Variants in NRIP3 observed in about 807,000 individuals in gnomAD.
NRIP3 encodes the protein nuclear receptor-interacting protein 3.
Under a neutral mutation model 29.0 loss-of-function variants are expected in NRIP3, and 31 were observed. The ratio of observed to expected loss-of-function variants is 1.07; its 90% CI spans 0.80 to 1.44. NRIP3 has a LOEUF of 1.44. Among genes scored for constraint, NRIP3 ranks in the 40% most tolerant of loss-of-function variants. The probability of loss-of-function intolerance (pLI) is 0.00; values close to 1 mark genes in which losing one functional copy is unlikely to be tolerated. For missense variants in NRIP3, 314 were observed against 297.9 expected, an observed-to-expected ratio of 1.05 and a Z score of -0.40; for synonymous variants, 131 against 118.3, an observed-to-expected ratio of 1.11 and a Z score of -0.70.
chr11:8,983,247 A>G lies in NRIP3; in HGVS notation c.*298T>C, dbSNP rs1854450642. ...TGGCAGCCCCTATACTTGACTAATA[A>G]AAGCAAATTCCTGGAAGAAGCAGAG... On this transcript the variant is annotated 3_prime_UTR_variant, in exon 7 of 7. Coordinates refer to ENST00000309166, the MANE Select transcript of NRIP3 (RefSeq NM_020645.3). 4.0e-6 allele frequency: 2 copies of G among 499,862 alleles called. No homozygotes were observed. The highest frequency in any genetic ancestry group is 4.9e-5 in the South Asian group (2 of 41,200). 31.0% of individuals were successfully genotyped at this position (499,862 alleles called of 1,614,324 possible). A position where few individuals can be genotyped will look rare whatever the true frequency, so the allele number is the denominator to read the frequency against.
At chr11:9,000,050 A>C (rs1854768773) in intron 1 of NRIP3, among the ~76,000 whole-genome samples, 1 of 152,272 alleles carries the variant, frequency 6.6e-6, no homozygotes, top group East Asian at 1.9e-4. Context: ...TATATCTCCA[A>C]AGCTTAAATT....
rs533951135 is a variant in NRIP3, at chr11:8,985,969, C to T, written c.423-119G>A. 14 of 1,198,286 alleles carry T rather than the reference C, an allele frequency of 1.2e-5. No individual in the cohort carries two copies. The Admixed American group carries it at 1.8e-4, about 15-fold the overall frequency. The allele number at this position is 1,198,286 out of a possible 1,614,324, so 74.2% of individuals were successfully genotyped here. ...CAGGGATCTCCTGGGATTAATCTAC[C>T]GAAAAGTGCTAGCCATCCTACATAT... On this transcript the variant is annotated intron_variant, in intron 3 of 6. Transcript: ENST00000309166.
intron 1 of NRIP3, among the ~76,000 whole-genome samples, chr11:8,989,379 C>T (rs1854563735): frequency 6.6e-6 from 1 of 152,212 alleles, no homozygotes; most frequent in Admixed American, 6.5e-5. Context: ...CCCCAAGTTT[C>T]TATCTAACAT....
intron 4 of NRIP3, 125 bp from the exon 5 acceptor site, chr11:8,984,249 TTATTTTTTTTTTA>T: frequency 7.6e-6 from 3 of 392,178 alleles, no homozygotes; most frequent in Admixed American, 4.9e-5. Flanking sequence ...TGAGCATGTG[TTATTTTTTTTTTA>T]TTTTTTTTTT....
At chr11:9,001,553 CTCCAAGTAAGA>C (rs1854797881) in intron 1 of NRIP3, among the ~76,000 whole-genome samples, 1 of 152,208 alleles carries the variant, frequency 6.6e-6, no homozygotes, top group Non-Finnish European at 1.5e-5. Flanking sequence ...CTATAAACTA[CTCCAAGTAAGA>C]ACTATTCAAT....
chr11:8,985,674 G>A (rs376429542), intron 4 of NRIP3, 37 bp downstream of exon 4: 62 of 1,603,538 alleles, frequency 3.9e-5, no homozygotes, highest in Middle Eastern at 4.1e-4. Flanking sequence ...GAGGGTTTCC[G>A]TTAGGGTCCA....
Position 8,983,243 on chromosome 11 carries a change from A to C in NRIP3, c.*302T>G. The C allele has an allele frequency of 2.0e-6, 1 of 491,320 alleles. No homozygotes were observed. Among genetic ancestry groups the C allele is most frequent in the Non-Finnish European group, 3.6e-6 (1 of 274,850 alleles). The allele number at this position is 491,320 out of a possible 1,614,324, so 30.4% of individuals were successfully genotyped here. On this transcript the variant is annotated 3_prime_UTR_variant, in exon 7 of 7. Transcript: ENST00000309166. ...AACCTGGCAGCCCCTATACTTGACT[A>C]ATAAAAGCAAATTCCTGGAAGAAGC... is the stretch of plus-strand genomic sequence containing the variant.
intron 1 of NRIP3, among the ~76,000 whole-genome samples, chr11:9,000,738 G>C (rs960011329): frequency 1.3e-5 from 2 of 151,674 alleles, no homozygotes; most frequent in Admixed American, 6.6e-5. Flanking sequence ...AAATTTCCAA[G>C]AACGGAGATG....
At chr11:9,001,932 A>C (rs780968439) in intron 1 of NRIP3, among the ~76,000 whole-genome samples, 5 of 152,236 alleles carry the variant, frequency 3.3e-5, no homozygotes, top group Non-Finnish European at 5.9e-5. Flanking sequence ...TGTCATGTGT[A>C]TGTGTCATAC....
In NRIP3 at chr11:8,981,983, A is replaced by G. The variant is rs1286585925; in HGVS notation, c.*1562T>C. The G allele has an allele frequency of 6.6e-6, 1 of 152,236 alleles. No homozygotes were observed. The highest frequency in any genetic ancestry group is 2.4e-5 in the African/African-American group (1 of 41,452). 9.4% of individuals were successfully genotyped at this position (152,236 alleles called of 1,614,324 possible). Reference sequence around the variant, plus strand: ...TCAGTAGGGGCAGTTGCTGAACACCAGACAAGGTAGTTGGTAGTACTTGGC... The same window carrying G: ...TCAGTAGGGGCAGTTGCTGAACACCGGACAAGGTAGTTGGTAGTACTTGGC... On this transcript the variant is annotated 3_prime_UTR_variant, in exon 7 of 7. Coordinates refer to ENST00000309166, the MANE Select transcript of NRIP3 (RefSeq NM_020645.3).
At chr11:9,000,378 T>C (rs948910370) in intron 1 of NRIP3, among the ~76,000 whole-genome samples, 1 of 152,250 alleles carries the variant, frequency 6.6e-6, no homozygotes, top group Non-Finnish European at 1.5e-5. Flanking sequence ...AGCTAATCTA[T>C]AGGGCACACC....
chr11:8,995,665 A>G (rs1854688855), intron 1 of NRIP3, among the ~76,000 whole-genome samples: 2 of 152,202 alleles, frequency 1.3e-5, no homozygotes, highest in African/African-American at 4.8e-5. Flanking sequence ...CATTCTTTGC[A>G]TGGAAACCAG....
chr11:8,986,889 G>T (rs911854729), intron 3 of NRIP3, among the ~76,000 whole-genome samples: 4 of 152,134 alleles, frequency 2.6e-5, no homozygotes, highest in African/African-American at 7.2e-5. Context: ...GCATAGTGGC[G>T]CACACGTAGT....
chr11:8,985,077 C>A (rs1854490250), intron 4 of NRIP3, among the ~76,000 whole-genome samples: 1 of 152,092 alleles, frequency 6.6e-6, no homozygotes, highest in South Asian at 2.1e-4. Context: ...TCTCGAACTC[C>A]CAACCTCAGG....
chr11:8,983,792 T>C lies in NRIP3; in HGVS notation c.710+83A>G, dbSNP rs1236052635. Reference sequence around the variant, plus strand: ...AAGCCAAAGACAGGATACAACCCCATGTCCTGTCTGAGAACCACCACCACC... The same window carrying C: ...AAGCCAAAGACAGGATACAACCCCACGTCCTGTCTGAGAACCACCACCACC... On this transcript the variant is annotated intron_variant, in intron 6 of 6. Coordinates refer to ENST00000309166, the MANE Select transcript of NRIP3 (RefSeq NM_020645.3). The C allele has an allele frequency of 5.2e-6, 6 of 1,160,430 alleles. No individual in the cohort carries two copies. In the Admixed American group the frequency reaches 8.4e-5, roughly 16 times the overall value. The allele number at this position is 1,160,430 out of a possible 1,614,324, so 71.9% of individuals were successfully genotyped here.
chr11:8,991,678 C>T (rs1170294849), intron 1 of NRIP3, among the ~76,000 whole-genome samples: 1 of 152,202 alleles, frequency 6.6e-6, no homozygotes, highest in Admixed American at 6.5e-5. Context: ...TGCTTTATAC[C>T]ATTTCACTTC....
At chr11:8,988,369 G>C in intron 1 of NRIP3, 87 bp from the exon 2 acceptor site, 1 of 1,088,534 alleles carries the variant, frequency 9.2e-7, no homozygotes, top group Non-Finnish European at 1.3e-6. Context: ...AATAATGAAG[G>C]AGCCTCCCAT....
chr11:9,000,658 A>G (rs1362137238), intron 1 of NRIP3, among the ~76,000 whole-genome samples: 1 of 152,220 alleles, frequency 6.6e-6, no homozygotes, highest in African/African-American at 2.4e-5. Flanking sequence ...TTAAAAATTA[A>G]AAAGTCCTTA....
In NRIP3 at chr11:8,984,069, T is replaced by G; in HGVS notation, c.615+3A>C. On this transcript the variant is annotated splice_donor_region_variant and intron_variant, in intron 5 of 6. Coordinates refer to ENST00000309166, the MANE Select transcript of NRIP3 (RefSeq NM_020645.3). The stretch of plus-strand genomic sequence containing the variant: ...ATCAAGGGGTAAGTGGAGTCAATCT[T>G]ACCTTCAGAGATCGGAGAGTCTGTA... 6.2e-7 allele frequency: 1 copy of G among 1,612,664 alleles called. No individual in the cohort carries two copies. Among genetic ancestry groups the G allele is most frequent in the Non-Finnish European group, 8.5e-7 (1 of 1,178,680 alleles).
Sources: gnomAD v4.1 joint callset for allele counts (sites outside exome capture counted in the v4.1 genomes callset) on GRCh38, gnomAD v4.1.1 for gene constraint, MANE v1.5 for transcripts, NCBI Gene and HGNC (gene_info 2026-07-23, HGNC 2026-07-21) for gene names.